ADGRB3: variants seen among roughly 807,000 people sequenced by gnomAD.
The protein encoded by ADGRB3 is brain-specific angiogenesis inhibitor 3.
Under a neutral mutation model 193.4 loss-of-function variants are expected in ADGRB3, and 37 were observed. The ratio of observed to expected loss-of-function variants is 0.19; its 90% CI spans 0.15 to 0.25. The LOEUF is 0.25. ADGRB3 is among the 10% of genes least tolerant of loss of function. ADGRB3 has a pLI of 1.00. For synonymous variants in ADGRB3, 690 were observed against 644.2 expected (o/e 1.07, Z -1.08); for missense variants, 1,637 against 1,852.9 (o/e 0.88, Z 2.14).
intron 11 of ADGRB3, among the ~76,000 whole-genome samples, chr6:68,998,445 T>TA (rs149709037): frequency 0.064 from 9,697 of 152,170 alleles, 950 homozygotes; most frequent in African/African-American, 0.21. Context: ...TCTATTTAGT[T>TA]AAAAAAATAT....
At chr6:68,944,612 CTATTT>C (rs1222477190) in intron 6 of ADGRB3, among the ~76,000 whole-genome samples, 1 of 151,436 alleles carries the variant, frequency 6.6e-6, no homozygotes, top group Non-Finnish European at 1.5e-5. Context: ...TGTTTCTATT[CTATTT>C]TATCTATCCT....
chr6:69,135,832 T>G lies in ADGRB3; in HGVS notation c.2480+59794T>G, dbSNP rs193234525. Among the ~76,000 whole-genome samples the G allele has an allele frequency of 2.4e-4, 36 of 152,194 alleles. No homozygotes were observed. The East Asian group carries it at 4.8e-3, about 20-fold the overall frequency. On this transcript the variant is annotated intron_variant, in intron 17 of 31. Coordinates refer to ENST00000370598, the MANE Select transcript of ADGRB3 (RefSeq NM_001704.3). ...AAGAAAAAAATGCCAAGTGTTGAAT[T>G]TGGAAAAGTCGTAACAAGTTAGTCT...
intron 20 of ADGRB3, among the ~76,000 whole-genome samples, chr6:69,256,189 C>CT (rs1455680132): frequency 6.6e-6 from 1 of 151,272 alleles, no homozygotes; most frequent in East Asian, 1.9e-4. Flanking sequence ...GATGCGGGCT[C>CT]TTTTTTGGTT....
chr6:68,748,251 A>G (rs757856118), intron 3 of ADGRB3, among the ~76,000 whole-genome samples: 6 of 152,104 alleles, frequency 3.9e-5, no homozygotes, highest in Non-Finnish European at 8.8e-5. Context: ...GTCTTAACTC[A>G]TTTCAGCATT....
At chr6:69,084,046 A>G (rs770383675) in intron 17 of ADGRB3, among the ~76,000 whole-genome samples, 12 of 152,086 alleles carry the variant, frequency 7.9e-5, no homozygotes, top group Non-Finnish European at 1.5e-4. Flanking sequence ...AAGTGCTGGG[A>G]TTACAGGCAT....
chr6:68,767,685 G>A (rs920838036), intron 3 of ADGRB3, among the ~76,000 whole-genome samples: 6 of 152,060 alleles, frequency 3.9e-5, no homozygotes, highest in East Asian at 1.9e-4. Context: ...TGGAAGTTCC[G>A]ACCAGGGCAA....
At chr6:69,230,781 C>G (rs181854550) in intron 17 of ADGRB3, among the ~76,000 whole-genome samples, 19 of 152,298 alleles carry the variant, frequency 1.2e-4, no homozygotes, top group Admixed American at 9.1e-4. Flanking sequence ...AAGGTTTTCT[C>G]TCCTACTTAC....
intron 3 of ADGRB3, among the ~76,000 whole-genome samples, chr6:68,784,246 A>C (rs957375126): frequency 4.6e-5 from 7 of 152,124 alleles, no homozygotes; most frequent in Admixed American, 1.3e-4. Context: ...CCGTAAGTCT[A>C]CTAAATGGCA....
chr6:68,861,860 C>A (rs753842628), intron 3 of ADGRB3, among the ~76,000 whole-genome samples: 11 of 152,110 alleles, frequency 7.2e-5, no homozygotes, highest in Admixed American at 5.2e-4. Context: ...TCCTCATGAA[C>A]TAGATAAAGT....
intron 3 of ADGRB3, among the ~76,000 whole-genome samples, chr6:68,879,052 G>T (rs974336203): frequency 6.6e-6 from 1 of 152,114 alleles, no homozygotes; most frequent in South Asian, 2.1e-4. Context: ...ATGAGATTTG[G>T]GTGGGGACAC....
chr6:69,214,679 T>C (rs1319097876), intron 17 of ADGRB3, among the ~76,000 whole-genome samples: 1 of 151,504 alleles, frequency 6.6e-6, no homozygotes, highest in Non-Finnish European at 1.5e-5. Context: ...GAATAAGAAG[T>C]TTTCTAGCCC....
intron 11 of ADGRB3, among the ~76,000 whole-genome samples, chr6:69,005,283 C>T (rs1429992402): frequency 6.6e-6 from 1 of 151,340 alleles, no homozygotes; most frequent in African/African-American, 2.4e-5. Flanking sequence ...AGCTTCATCC[C>T]ATCTAGTATA....
intron 3 of ADGRB3, among the ~76,000 whole-genome samples, chr6:68,899,324 G>T (rs1766328126): frequency 6.6e-6 from 1 of 151,852 alleles, no homozygotes; most frequent in Non-Finnish European, 1.5e-5. Context: ...AAATTTTAGG[G>T]TACATGTGCA....
chr6:69,193,208 A>G (rs1299565222), intron 17 of ADGRB3, among the ~76,000 whole-genome samples: 3 of 152,186 alleles, frequency 2.0e-5, no homozygotes, highest in East Asian at 1.9e-4. Flanking sequence ...AAGTGTAGTC[A>G]TGCCTTCCTC....
chr6:68,637,976 C>T (rs990277154), intron 2 of ADGRB3, among the ~76,000 whole-genome samples: 1 of 152,186 alleles, frequency 6.6e-6, no homozygotes, highest in Non-Finnish European at 1.5e-5. Context: ...TGCCCTTTCT[C>T]AAATGATGGT....
Position 69,235,073 on chromosome 6 carries a change from A to G in ADGRB3, c.2649A>G (p.Val883=). ...SSGTPSVTLI[V]GSGLSCLALI... ...GCACACCTTCAGTTACCCTAATAGTAGGCAGTGGTCTTTCTTGCTTGGCCT... is the reference window on the plus strand; with the variant it reads ...GCACACCTTCAGTTACCCTAATAGTGGGCAGTGGTCTTTCTTGCTTGGCCT... Residue 883 remains valine (V), a synonymous_variant, in exon 19 of 32, where the codon GTA becomes GTG. Coordinates refer to ENST00000370598, the MANE Select transcript of ADGRB3 (RefSeq NM_001704.3). The G allele has an allele frequency of 6.2e-7, 1 of 1,613,336 alleles. No individual in the cohort carries two copies. Among genetic ancestry groups the G allele is most frequent in the Non-Finnish European group, 8.5e-7 (1 of 1,179,360 alleles).
intron 15 of ADGRB3, among the ~76,000 whole-genome samples, chr6:69,050,728 T>C (rs1235538724): frequency 1.3e-5 from 2 of 152,210 alleles, no homozygotes; most frequent in Non-Finnish European, 2.9e-5. Flanking sequence ...TCAGGTGACT[T>C]GTGTTTTCAT....
chr6:69,143,892 A>C (rs1311728957), intron 17 of ADGRB3, among the ~76,000 whole-genome samples: 2 of 152,160 alleles, frequency 1.3e-5, no homozygotes, highest in African/African-American at 4.8e-5. Context: ...TATACATTTC[A>C]GGATTGTTTT....
chr6:69,143,368 G>A (rs542205302), intron 17 of ADGRB3, among the ~76,000 whole-genome samples: 1 of 152,150 alleles, frequency 6.6e-6, no homozygotes, highest in South Asian at 2.1e-4. Flanking sequence ...TTACTTTGCT[G>A]TGCAGCTTTT....
Sources: allele counts gnomAD v4.1 joint callset (sites outside exome capture counted in the v4.1 genomes callset), GRCh38; gene constraint gnomAD v4.1.1; transcripts MANE v1.5; gene names NCBI Gene and HGNC (gene_info 2026-07-23, HGNC 2026-07-21).